Variants in ZFYVE16 observed in about 807,000 individuals in gnomAD.
ZFYVE16 encodes the protein zinc finger FYVE domain-containing protein 16.
In ZFYVE16, 89 loss-of-function variants were observed where a neutral mutation model predicts 138.1. That is an observed-to-expected ratio of 0.64 (90% CI 0.54 to 0.77). The LOEUF (loss-of-function observed/expected upper bound fraction) is 0.77, where lower values mean the gene tolerates loss of function less well. Among genes scored for constraint, ZFYVE16 ranks in the 30% least tolerant of loss-of-function variants. The pLI is 0.00. For missense variants in ZFYVE16, 1,793 were observed against 1,786.7 expected, an observed-to-expected ratio of 1.00 and a Z score of -0.06; for synonymous variants, 596 against 618.3, an observed-to-expected ratio of 0.96 and a Z score of 0.53.
At chr5:80,455,081 A>G (rs1752383729) in intron 11 of ZFYVE16, 1 of 152,272 alleles carries the variant, frequency 6.6e-6, no homozygotes, top group South Asian at 2.1e-4. Flanking sequence ...ATTATTAGTC[A>G]CTAGGAGCAA....
chr5:80,472,062 T>C (rs1754436899), intron 15 of ZFYVE16, among the ~76,000 whole-genome samples: 1 of 152,080 alleles, frequency 6.6e-6, no homozygotes, highest in African/African-American at 2.4e-5. Flanking sequence ...CTCTGTTCTG[T>C]TCCCCATGCT....
intron 2 of ZFYVE16, among the ~76,000 whole-genome samples, chr5:80,433,016 G>C (rs1444228248): frequency 1.3e-5 from 2 of 152,178 alleles, no homozygotes; most frequent in African/African-American, 4.8e-5. Context: ...AACCATTGTG[G>C]ACGTCAGTGT....
At position 80,473,751 on chromosome 5, in the gene ZFYVE16, TAG is replaced by T; in HGVS notation, c.4188_4189del. The T allele has an allele frequency of 6.3e-7, 1 of 1,592,888 alleles. No homozygotes were observed. The highest frequency in any genetic ancestry group is 1.1e-5 in the South Asian group (1 of 88,990). On this transcript the variant is annotated splice_acceptor_variant, in intron 16 of 18. Coordinates refer to ENST00000505560, the MANE Select transcript of ZFYVE16 (RefSeq NM_001284236.3). LOFTEE classifies it high-confidence loss of function. Reference sequence around the variant, plus strand: ...TTCTATTGTATTATGTTTTATTTCATAGAGTTATCAGTTCAGTGGATGGAATA... The same window carrying T: ...TTCTATTGTATTATGTTTTATTTCATAGTTATCAGTTCAGTGGATGGAATA...
Position 80,441,662 on chromosome 5 carries a change from T to C in ZFYVE16, c.2420-1461T>C, listed in dbSNP as rs976806955. ...AGATAATGAGAAAGCTGTCCTGAGA[T>C]TATGTGAGTTTCAAGGAAGCACACG... On this transcript the variant is annotated intron_variant, in intron 5 of 18. Transcript: ENST00000505560. 12 of 950,194 alleles carry C rather than the reference T, an allele frequency of 1.3e-5. No individual in the cohort carries two copies. In the Admixed American group the frequency reaches 2.8e-4, roughly 22 times the overall value. The allele number at this position is 950,194 out of a possible 1,614,324, so 58.9% of individuals were successfully genotyped here.
chr5:80,481,939 C>T lies in ZFYVE16; in HGVS notation c.*4562C>T, dbSNP rs2112581726. 6.6e-6 allele frequency among the ~76,000 whole-genome samples: 1 copy of T among 152,308 alleles called. No homozygotes were observed. Among genetic ancestry groups the T allele is most frequent in the South Asian group, 2.1e-4 (1 of 4,828 alleles). Reference sequence around the variant, plus strand: ...GGTGCAAGTGATTCTCCTGTCTCAGCCTCCTGAGTAGCTGTGACTACAGGT... The same window carrying T: ...GGTGCAAGTGATTCTCCTGTCTCAGTCTCCTGAGTAGCTGTGACTACAGGT... On this transcript the variant is annotated 3_prime_UTR_variant, in exon 19 of 19. Transcript: ENST00000505560.
intron 2 of ZFYVE16, among the ~76,000 whole-genome samples, chr5:80,428,574 T>A (rs2112286787): frequency 6.6e-6 from 1 of 152,294 alleles, no homozygotes. Context: ...GGAACGCAGT[T>A]CCTCACCGGC....
At chr5:80,443,453 C>T (rs1017884457) in intron 6 of ZFYVE16, among the ~76,000 whole-genome samples, 169 bp downstream of exon 6, 3 of 152,166 alleles carry the variant, frequency 2.0e-5, no homozygotes, top group Admixed American at 6.5e-5. Context: ...AGCAAAAAGG[C>T]TGTGCTCAAG....
chr5:80,461,634 G>T (rs997763290), intron 15 of ZFYVE16, among the ~76,000 whole-genome samples: 1 of 152,144 alleles, frequency 6.6e-6, no homozygotes, highest in African/African-American at 2.4e-5. Flanking sequence ...CCTTTTCTCT[G>T]TGTGACTCTC....
intron 15 of ZFYVE16, among the ~76,000 whole-genome samples, chr5:80,463,716 C>G (rs1259020461): frequency 6.6e-6 from 1 of 152,162 alleles, no homozygotes; most frequent in East Asian, 1.9e-4. Flanking sequence ...AACATAAGTT[C>G]CAGTTCCAAA....
chr5:80,461,833 G>A (rs1293145872), intron 15 of ZFYVE16, among the ~76,000 whole-genome samples: 3 of 152,038 alleles, frequency 2.0e-5, no homozygotes, highest in African/African-American at 4.8e-5. Flanking sequence ...TTGGTCAGGC[G>A]TGGTGGCGGG....
At chr5:80,451,848 A>G in intron 11 of ZFYVE16, 139 bp downstream of exon 11, 1 of 774,034 alleles carries the variant, frequency 1.3e-6, no homozygotes, top group African/African-American at 1.8e-5. Flanking sequence ...TTCTAAGACA[A>G]CCCTCTTCTA....
chr5:80,482,838 GAAAT>G lies in ZFYVE16; in HGVS notation c.*5465_*5468del, dbSNP rs1277854737. The stretch of plus-strand genomic sequence containing the variant: ...AAATATATTCTTTAGGAAAGAAAAT[GAAAT>G]AAAGACATTTTCTTTTTTTTCTTTA... On this transcript the variant is annotated 3_prime_UTR_variant, in exon 19 of 19. Transcript: ENST00000505560. The G allele has an allele frequency of 1.3e-5, 2 of 151,456 alleles. No homozygotes were observed. The highest frequency in any genetic ancestry group is 4.8e-5 in the African/African-American group (2 of 41,304). 9.4% of individuals were successfully genotyped at this position (151,456 alleles called of 1,614,324 possible).
chr5:80,466,764 A>G (rs1023058915), intron 15 of ZFYVE16, among the ~76,000 whole-genome samples: 1 of 152,228 alleles, frequency 6.6e-6, no homozygotes, highest in Non-Finnish European at 1.5e-5. Flanking sequence ...TCTGCCCCAT[A>G]TAAGGAATGA....
At chr5:80,473,633 G>A (rs973558693) in intron 16 of ZFYVE16, 121 bp from the exon 17 acceptor site, 64 of 613,464 alleles carry the variant, frequency 1.0e-4, no homozygotes, top group Non-Finnish European at 1.1e-4. Flanking sequence ...TAGTTATTTT[G>A]TATATAATTG....
At chr5:80,452,513 G>A (rs1289571704) in intron 11 of ZFYVE16, 1 of 149,776 alleles carries the variant, frequency 6.7e-6, no homozygotes, top group East Asian at 2.0e-4. Context: ...TGGGATGTTC[G>A]ATATGTGTTA....
chr5:80,414,541 A>T (rs908985498), intron 1 of ZFYVE16, among the ~76,000 whole-genome samples: 1 of 152,010 alleles, frequency 6.6e-6, no homozygotes, highest in Admixed American at 6.6e-5. Flanking sequence ...TAACCCTCAC[A>T]TTTATGATAA....
Position 80,483,137 on chromosome 5 carries a change from G to A in ZFYVE16, c.*5760G>A, listed in dbSNP as rs1755331854. ...GCCTGCTTCGGCCTCCCAAAGTGCT[G>A]AGATTAGAGGCATGAGCCACCATAC... On this transcript the variant is annotated 3_prime_UTR_variant, in exon 19 of 19. Transcript: ENST00000505560. 1.3e-5 allele frequency: 2 copies of A among 152,216 alleles called. No homozygotes were observed. The highest frequency in any genetic ancestry group is 4.8e-5 in the African/African-American group (2 of 41,446). The allele number at this position is 152,216 out of a possible 1,614,324, so 9.4% of individuals were successfully genotyped here.
At chr5:80,465,396 C>CTTTT (rs1187412933) in intron 15 of ZFYVE16, among the ~76,000 whole-genome samples, 4 of 26,404 alleles carry the variant, frequency 1.5e-4, no homozygotes, top group Non-Finnish European at 3.1e-4. Flanking sequence ...TTTTCCTTTT[C>CTTTT]TTTGTTTTTT....
intron 5 of ZFYVE16, chr5:80,441,596 A>C: frequency 2.0e-6 from 2 of 985,416 alleles, no homozygotes; most frequent in Non-Finnish European, 2.4e-6. Flanking sequence ...GACATATGCC[A>C]TGAAGGATTG....
Sources: allele counts gnomAD v4.1 joint callset (sites outside exome capture counted in the v4.1 genomes callset), GRCh38; gene constraint gnomAD v4.1.1; transcripts MANE v1.5; gene names NCBI Gene and HGNC (gene_info 2026-07-23, HGNC 2026-07-21).